Variants in FER1L6 observed in about 807,000 individuals in gnomAD.
FER1L6 encodes the protein fer-1 like family member 6, also known as fer-1-like protein 6.
In FER1L6, 177 loss-of-function variants were observed where a neutral mutation model predicts 219.2. That is an observed-to-expected ratio of 0.81 (90% CI 0.71 to 0.91). The LOEUF is 0.91. FER1L6 is among the 40% of genes least tolerant of loss of function. The pLI is 0.00. For missense variants in FER1L6, 2,153 were observed against 2,259.9 expected, an observed-to-expected ratio of 0.95 and a Z score of 0.96; for synonymous variants, 768 against 824.3, an observed-to-expected ratio of 0.93 and a Z score of 1.17.
intron 18 of FER1L6, among the ~76,000 whole-genome samples, chr8:124,032,360 G>A (rs758112573): frequency 6.6e-6 from 1 of 152,166 alleles, no homozygotes; most frequent in African/African-American, 2.4e-5. Context: ...GGGAGGCAGA[G>A]GCTGCAGTGA....
rs371911399 is a variant in FER1L6, at chr8:123,973,546, C to T, written c.526+34C>T. On this transcript the variant is annotated intron_variant, in intron 7 of 40. Coordinates refer to ENST00000522917, the MANE Select transcript of FER1L6 (RefSeq NM_001039112.2). ...ACATCACCTCCCCATCTGTATCTCA[C>T]TTGTCTTTGGTTTATAGCACCTGGA... The T allele has an allele frequency of 3.9e-6, 6 of 1,530,220 alleles. No homozygotes were observed. In the African/African-American group the frequency reaches 5.5e-5, roughly 14 times the overall value. 94.8% of individuals were successfully genotyped at this position (1,530,220 alleles called of 1,614,324 possible).
chr8:124,059,143 A>G (rs914614639), intron 22 of FER1L6, among the ~76,000 whole-genome samples: 3 of 152,168 alleles, frequency 2.0e-5, no homozygotes, highest in African/African-American at 7.2e-5. Flanking sequence ...AAGACTTCCT[A>G]TTGGCCAAGT....
chr8:124,086,602 C>T (rs1376452494), intron 33 of FER1L6, among the ~76,000 whole-genome samples: 3 of 152,046 alleles, frequency 2.0e-5, no homozygotes, highest in Admixed American at 6.6e-5. Flanking sequence ...GTTCATCTTT[C>T]CACTTAAGAT....
chr8:123,881,378 AT>A (rs1817106442), intron 1 of FER1L6, among the ~76,000 whole-genome samples: 1 of 152,176 alleles, frequency 6.6e-6, no homozygotes, highest in African/African-American at 2.4e-5. Flanking sequence ...CCTATGGCAA[AT>A]AATGGGCACA....
intron 32 of FER1L6, among the ~76,000 whole-genome samples, chr8:124,079,511 C>T (rs1478311574): frequency 6.6e-6 from 1 of 152,176 alleles, no homozygotes; most frequent in Non-Finnish European, 1.5e-5. Flanking sequence ...GATTGAATAA[C>T]TGGAGACTAT....
chr8:123,985,265 C>T (rs1176994504), intron 11 of FER1L6: 2 of 152,136 alleles, frequency 1.3e-5, no homozygotes, highest in South Asian at 2.1e-4. Context: ...TAGATGAACT[C>T]GAAGGTCCTT....
At chr8:124,101,037 T>C (rs925675668) in intron 37 of FER1L6, 60 bp from the exon 38 acceptor site, 2 of 1,516,138 alleles carry the variant, frequency 1.3e-6, no homozygotes, top group African/African-American at 2.7e-5. Flanking sequence ...TCACTTATGA[T>C]TATACTGATG....
intron 17 of FER1L6, among the ~76,000 whole-genome samples, chr8:124,022,873 C>G (rs143527891): frequency 3.3e-5 from 5 of 151,866 alleles, no homozygotes; most frequent in African/African-American, 1.2e-4. Flanking sequence ...TGCATGTTCT[C>G]ATATGAGCAA....
intron 20 of FER1L6, 141 bp from the exon 21 acceptor site, chr8:124,045,626 T>C (rs1457086341): frequency 2.2e-6 from 2 of 911,760 alleles, no homozygotes; most frequent in Non-Finnish European, 3.4e-6. Flanking sequence ...TCAGTTTACA[T>C]AGTCACTTGA....
At chr8:124,099,957 T>G (rs1822482390) in intron 37 of FER1L6, among the ~76,000 whole-genome samples, 2 of 152,258 alleles carry the variant, frequency 1.3e-5, no homozygotes, top group African/African-American at 4.8e-5. Context: ...CCCCTATGAC[T>G]ATGACTCCAT....
At position 123,852,429 on chromosome 8, in the gene FER1L6, G is replaced by A. The variant is rs987800093; in HGVS notation, c.-8+244G>A. ...GATTGGGTACTCAGTGGTCGCTGTA[G>A]CCAGGTTGACCTTGTTGCTTGAACT... On this transcript the variant is annotated intron_variant, in intron 1 of 40. Transcript: ENST00000522917. This position sits in a 1 kb window ranked among gnomAD's most constrained non-coding sequence, Gnocchi z 4.9. Among the ~76,000 whole-genome samples, 9 of 151,474 alleles carry A rather than the reference G, an allele frequency of 5.9e-5. No individual in the cohort carries two copies. Among genetic ancestry groups the A allele is most frequent in the Admixed American group, 3.9e-4 (6 of 15,190 alleles).
At chr8:124,090,246 G>C (rs1821972499) in intron 33 of FER1L6, among the ~76,000 whole-genome samples, 1 of 152,188 alleles carries the variant, frequency 6.6e-6, no homozygotes, top group South Asian at 2.1e-4. Flanking sequence ...TAAGCCTAGA[G>C]AGCCTGTTTA....
At chr8:124,072,375 C>T (rs1327663273) in intron 31 of FER1L6, among the ~76,000 whole-genome samples, 2 of 152,168 alleles carry the variant, frequency 1.3e-5, no homozygotes, top group East Asian at 1.9e-4. Context: ...GCCTCATTAG[C>T]AGGAAGCTCA....
chr8:123,989,193 T>C (rs1443351472), intron 12 of FER1L6, among the ~76,000 whole-genome samples: 1 of 152,212 alleles, frequency 6.6e-6, no homozygotes, highest in African/African-American at 2.4e-5. Flanking sequence ...TGATGAATGA[T>C]ATTTTTAATG....
At chr8:123,883,109 A>G (rs921584972) in intron 1 of FER1L6, among the ~76,000 whole-genome samples, 9 of 152,354 alleles carry the variant, frequency 5.9e-5, no homozygotes, top group African/African-American at 1.9e-4. Flanking sequence ...AAAAAGCCAG[A>G]GGTAAATTTG....
chr8:123,975,835 T>C, intron 8 of FER1L6, 63 bp from the exon 9 acceptor site: 1 of 1,372,730 alleles, frequency 7.3e-7, no homozygotes, highest in Non-Finnish European at 9.9e-7. Context: ...AAATTGCTCC[T>C]GTCTTTTCTC....
chr8:123,948,243 C>G (rs1203393612), intron 1 of FER1L6, among the ~76,000 whole-genome samples: 1 of 152,194 alleles, frequency 6.6e-6, no homozygotes, highest in African/African-American at 2.4e-5. Context: ...AGGATTTACT[C>G]AAGGTTGCAT....
intron 13 of FER1L6, among the ~76,000 whole-genome samples, chr8:124,008,411 C>T (rs1018799495): frequency 1.3e-5 from 2 of 152,274 alleles, no homozygotes; most frequent in African/African-American, 4.8e-5. Flanking sequence ...TATAAACATG[C>T]GTGTGCATAT....
chr8:124,116,690 C>T (rs921251683), intron 39 of FER1L6, among the ~76,000 whole-genome samples: 1 of 152,232 alleles, frequency 6.6e-6, no homozygotes, highest in Non-Finnish European at 1.5e-5. Flanking sequence ...ATTCTGGATC[C>T]TAGCAATCGG....
Sources: allele counts gnomAD v4.1 joint callset (sites outside exome capture counted in the v4.1 genomes callset), GRCh38; gene constraint gnomAD v4.1.1; non-coding constraint Gnocchi (gnomAD v3.1); transcripts MANE v1.5; gene names NCBI Gene and HGNC (gene_info 2026-07-23, HGNC 2026-07-21).